The following VMP1 variants were observed in gnomAD, a reference collection of about 807,000 sequenced individuals.
VMP1 encodes the protein vacuole membrane protein 1.
Under a neutral mutation model 56.0 loss-of-function variants are expected in VMP1, and 11 were observed. The observed-to-expected ratio is 0.20, with a 90% confidence interval of 0.12 to 0.32. VMP1 has a LOEUF of 0.32. VMP1 is among the 10% of genes least tolerant of loss of function. The pLI is 1.00. For missense variants in VMP1, 296 were observed against 490.3 expected (o/e 0.60, Z 3.74); for synonymous variants, 149 against 165.0 (o/e 0.90, Z 0.74).
chr17:59,777,483 C>G (rs888886147), intron 7 of VMP1, among the ~76,000 whole-genome samples: 15 of 150,666 alleles, frequency 1.0e-4, no homozygotes, highest in Admixed American at 7.3e-4. Context: ...TCTCTAGAAG[C>G]TTTTAGGTTC....
chr17:59,727,413 C>A (rs1033562398), intron 1 of VMP1, among the ~76,000 whole-genome samples: 1 of 152,184 alleles, frequency 6.6e-6, no homozygotes, highest in African/African-American at 2.4e-5. Context: ...GGATTACAGG[C>A]GTGAGCCATC....
chr17:59,762,887 A>AT (rs946466677), intron 5 of VMP1, among the ~76,000 whole-genome samples: 9 of 152,124 alleles, frequency 5.9e-5, no homozygotes, highest in African/African-American at 1.9e-4. Flanking sequence ...GTTAGGATAC[A>AT]TTTTTTATAT....
At chr17:59,790,715 C>A (rs2037194474) in intron 7 of VMP1, among the ~76,000 whole-genome samples, 1 of 152,118 alleles carries the variant, frequency 6.6e-6, no homozygotes, top group African/African-American at 2.4e-5. Context: ...CACTTGAACC[C>A]AGGGGGCAGA....
Position 59,815,714 on chromosome 17 carries a change from G to C in VMP1, c.913-1998G>C, listed in dbSNP as rs140984776. On this transcript the variant is annotated intron_variant, in intron 9 of 11. Transcript: ENST00000262291. The stretch of plus-strand genomic sequence containing the variant: ...TAAAAAAAATACAAAAAAATTAGCT[G>C]GGCATGGTGGCGGGCGCCTGTAGTC... 4.3e-3 allele frequency among the ~76,000 whole-genome samples: 657 copies of C among 152,144 alleles called. 4 individuals carry two copies. Among genetic ancestry groups the C allele is most frequent in the Non-Finnish European group, 7.1e-3 (480 of 67,990 alleles).
At chr17:59,748,019 AC>A (rs1439900809) in intron 5 of VMP1, among the ~76,000 whole-genome samples, 1 of 151,742 alleles carries the variant, frequency 6.6e-6, no homozygotes, top group East Asian at 2.0e-4. Context: ...ACACAGTGAA[AC>A]CCCGTCTCTA....
intron 6 of VMP1, among the ~76,000 whole-genome samples, chr17:59,773,046 C>G (rs2036491523): frequency 6.9e-6 from 1 of 144,512 alleles, no homozygotes; most frequent in Non-Finnish European, 1.5e-5. Context: ...CCTGCAACCT[C>G]CGCCTCCCAG....
chr17:59,801,126 G>A (rs929027440), intron 7 of VMP1, among the ~76,000 whole-genome samples: 9 of 138,942 alleles, frequency 6.5e-5, no homozygotes, highest in Non-Finnish European at 1.0e-4. Flanking sequence ...GTGTGTGTGT[G>A]TGTGTGTGTG....
chr17:59,717,184 A>G (rs2034192578), intron 1 of VMP1, among the ~76,000 whole-genome samples: 1 of 151,290 alleles, frequency 6.6e-6, no homozygotes, highest in East Asian at 2.0e-4. Context: ...GTTGGCCAGG[A>G]TGGTCTTGAT....
At chr17:59,811,594 A>G (rs774040334) in intron 8 of VMP1, 76 bp from the exon 9 acceptor site, 7 of 1,080,628 alleles carry the variant, frequency 6.5e-6, no homozygotes, top group Non-Finnish European at 9.9e-6. Context: ...AAAGCAGAAT[A>G]CCACATATCA....
chr17:59,836,153 A>G (rs553464664), intron 10 of VMP1, among the ~76,000 whole-genome samples: 1 of 151,406 alleles, frequency 6.6e-6, no homozygotes. Context: ...TTTATTATAT[A>G]TGTCTGTTCA....
rs1272771686 is a variant in VMP1, at chr17:59,737,488, T to C, written c.248T>C (p.Leu83Ser). ...WHRQSIVVSF[L>S]LLLAVLIATY... ...CGTCAAAGCATTGTGGTGTCTTTTTTACTGCTGCTTGCTGTGCTTATAGCT... is the reference window on the plus strand; with the variant it reads ...CGTCAAAGCATTGTGGTGTCTTTTTCACTGCTGCTTGCTGTGCTTATAGCT... Residue 83 changes from leucine (L) to serine (S), a missense_variant, in exon 4 of 12, where the codon TTA (leucine) becomes TCA (serine). Physicochemically the swap from Leu to Ser is moderately radical, Grantham distance 145. Transcript: ENST00000262291. 2 of 1,612,172 alleles carry C rather than the reference T, an allele frequency of 1.2e-6. No individual in the cohort carries two copies. Among genetic ancestry groups the C allele is most frequent in the African/African-American group, 2.7e-5 (2 of 74,858 alleles).
rs2036184601 is a variant in VMP1 at position 59,765,073 on chromosome 17, G to A, written c.517G>A (p.Gly173Ser). The A allele has an allele frequency of 6.2e-7, 1 of 1,614,006 alleles. No individual in the cohort carries two copies. The highest frequency in any genetic ancestry group is 8.5e-7 in the Non-Finnish European group (1 of 1,179,970). Residue 173 changes from glycine to serine, a missense_variant, in exon 6 of 12, where the codon GGC (glycine) becomes AGC (serine). By Grantham distance (56) the Gly-to-Ser change is moderately conservative. This residue lies in a region of VMP1 where 126 missense variants were observed against 231.6 expected (regional missense o/e 0.54). Coordinates refer to ENST00000262291, the MANE Select transcript of VMP1 (RefSeq NM_030938.5). Reference sequence around the variant, plus strand: ...TCAGATTATTTGTCCAGATGAAGAGGGCACTGAAGGAACCATTTCTTTGTG... The same window carrying A: ...TCAGATTATTTGTCCAGATGAAGAGAGCACTGAAGGAACCATTTCTTTGTG... ...PDQIICPDEE[G>S]TEGTISLWSI...
chr17:59,805,321 TA>T (rs2037808880), intron 7 of VMP1, among the ~76,000 whole-genome samples: 1 of 152,212 alleles, frequency 6.6e-6, no homozygotes, highest in Non-Finnish European at 1.5e-5. Flanking sequence ...AATGGCTCCT[TA>T]CGTGTTATTC....
chr17:59,746,343 T>C (rs2035423084), intron 5 of VMP1, among the ~76,000 whole-genome samples: 1 of 152,206 alleles, frequency 6.6e-6, no homozygotes, highest in South Asian at 2.1e-4. Flanking sequence ...AGCTAATTTT[T>C]GTATTTTTAG....
chr17:59,760,646 G>A (rs1270737615), intron 5 of VMP1, among the ~76,000 whole-genome samples: 1 of 151,792 alleles, frequency 6.6e-6, no homozygotes, highest in Non-Finnish European at 1.5e-5. Flanking sequence ...TTTTGAGATG[G>A]CATCTTGCTC....
Position 59,837,426 on chromosome 17 carries a change from G to A in VMP1, c.975-869G>A, listed in dbSNP as rs551208508. Among the ~76,000 whole-genome samples, 9 of 152,206 alleles carry A rather than the reference G, an allele frequency of 5.9e-5. 1 individual carries two copies. The South Asian group carries it at 1.2e-3, about 21-fold the overall frequency. On this transcript the variant is annotated intron_variant, in intron 10 of 11. Transcript: ENST00000262291. ...GCCCCAAGCTACCGTTTTTAAAAACGCCTGCAAGCATGTCTAAAACAGGAG... is the reference window on the plus strand; with the variant it reads ...GCCCCAAGCTACCGTTTTTAAAAACACCTGCAAGCATGTCTAAAACAGGAG...
chr17:59,808,265 A>T (rs1213839438), intron 7 of VMP1, among the ~76,000 whole-genome samples: 2 of 152,250 alleles, frequency 1.3e-5, no homozygotes, highest in African/African-American at 4.8e-5. Flanking sequence ...TACATACCAG[A>T]ATCGAAGGCT....
At chr17:59,746,468 G>A (rs1448631711) in intron 5 of VMP1, among the ~76,000 whole-genome samples, 1 of 152,162 alleles carries the variant, frequency 6.6e-6, no homozygotes, top group African/African-American at 2.4e-5. Flanking sequence ...CAACATGCCC[G>A]GCAATATTTT....
chr17:59,762,534 C>A (rs1016969994), intron 5 of VMP1, among the ~76,000 whole-genome samples: 6 of 151,854 alleles, frequency 4.0e-5, no homozygotes, highest in Non-Finnish European at 8.8e-5. Context: ...TATTTAAAAA[C>A]CATTAAGCTA....
Sources: allele counts gnomAD v4.1 joint callset (sites outside exome capture counted in the v4.1 genomes callset), GRCh38; gene constraint gnomAD v4.1.1; regional missense constraint gnomAD v4.1.1; transcripts MANE v1.5; gene names NCBI Gene and HGNC (gene_info 2026-07-23, HGNC 2026-07-21).